KCNJ15: variants seen among roughly 807,000 people sequenced by gnomAD.
The protein encoded by KCNJ15 is potassium inwardly rectifying channel subfamily J member 15, also known as ATP-sensitive inward rectifier potassium channel 15.
Under a neutral mutation model 23.0 loss-of-function variants are expected in KCNJ15, and 14 were observed. The observed-to-expected ratio is 0.61, with a 90% CI of 0.40 to 0.95. The LOEUF (loss-of-function observed/expected upper bound fraction) is 0.95. Ranked by LOEUF, KCNJ15 falls within the 40% of genes least tolerant of loss-of-function variation. The probability of loss-of-function intolerance (pLI) is 0.00; values close to 1 mark genes in which losing one functional copy is unlikely to be tolerated. For missense variants in KCNJ15, 388 were observed against 461.8 expected (o/e 0.84, Z 1.46); for synonymous variants, 185 against 183.2 (o/e 1.01, Z -0.08).
intron 1 of KCNJ15, among the ~76,000 whole-genome samples, chr21:38,230,896 C>T (rs1601108941): frequency 6.6e-6 from 1 of 151,980 alleles, no homozygotes; most frequent in South Asian, 2.1e-4. Flanking sequence ...CTTTTGGCTA[C>T]TCTAGTTCCT....
chr21:38,298,280 T>C (rs985732090), intron 2 of KCNJ15: 1 of 152,214 alleles, frequency 6.6e-6, no homozygotes, highest in African/African-American at 2.4e-5. Flanking sequence ...GCACTTCTTA[T>C]AGGTAGGTCT....
chr21:38,240,478 T>C (rs1037348779), intron 1 of KCNJ15, among the ~76,000 whole-genome samples: 2 of 152,188 alleles, frequency 1.3e-5, no homozygotes, highest in South Asian at 2.1e-4. Flanking sequence ...GTCTGGGCTT[T>C]AGGAGTAATT....
intron 1 of KCNJ15, among the ~76,000 whole-genome samples, chr21:38,296,233 T>G (rs58910649): frequency 0.1 from 15,210 of 152,128 alleles, 2,156 homozygotes; most frequent in African/African-American, 0.32. Context: ...ATTGGTGATA[T>G]ATAATAAATG....
chr21:38,236,778 A>C (rs772270869), intron 1 of KCNJ15, among the ~76,000 whole-genome samples: 36 of 152,288 alleles, frequency 2.4e-4, no homozygotes, highest in Non-Finnish European at 4.6e-4. Context: ...GTGTGGTACA[A>C]GTATTATGTT....
chr21:38,266,847 G>A (rs1981517372), intron 1 of KCNJ15, among the ~76,000 whole-genome samples: 1 of 152,204 alleles, frequency 6.6e-6, no homozygotes, highest in South Asian at 2.1e-4. Flanking sequence ...GAGGGGTGAA[G>A]CTGGCCTTTG....
chr21:38,238,563 G>C, intron 1 of KCNJ15: 1 of 630,824 alleles, frequency 1.6e-6, no homozygotes. Flanking sequence ...GCTGGGAGAA[G>C]GCAGTCACTA....
At chr21:38,249,424 G>C (rs914542445) in intron 1 of KCNJ15, among the ~76,000 whole-genome samples, 7 of 152,188 alleles carry the variant, frequency 4.6e-5, no homozygotes, top group African/African-American at 1.7e-4. Context: ...TGAGTTTTCA[G>C]TCATAACTCA....
chr21:38,238,181 G>T (rs2123547409), intron 1 of KCNJ15: 1 of 436,086 alleles, frequency 2.3e-6, no homozygotes. Context: ...TCTTTAGTCA[G>T]TTGGGAAGCT....
chr21:38,269,216 C>T (rs551095380), intron 1 of KCNJ15, among the ~76,000 whole-genome samples: 13 of 152,290 alleles, frequency 8.5e-5, no homozygotes, highest in South Asian at 2.1e-4. Flanking sequence ...CCTTTTCATA[C>T]GTTCTTTTTG....
rs572401607 is a variant in KCNJ15, at chr21:38,260,652, C to G, written c.-117+3467C>G. ...GTGATCATGCTCACGTCAGAAGATG[C>G]AGGAGAAGGACAAAGTTTTGCATTT... is the stretch of plus-strand genomic sequence containing the variant. On this transcript the variant is annotated intron_variant, in intron 1 of 2. Transcript: ENST00000398938. 2.0e-3 allele frequency among the ~76,000 whole-genome samples: 310 copies of G among 152,260 alleles called. 4 individuals are homozygous for G. The highest frequency in any genetic ancestry group is 5.8e-4 in the East Asian group (3 of 5,176).
At chr21:38,255,935 G>A (rs1354817215), upstream of KCNJ15, among the ~76,000 whole-genome samples, 5 of 152,130 alleles carry the variant, frequency 3.3e-5, no homozygotes, top group Admixed American at 1.3e-4. Flanking sequence ...GTATATCATC[G>A]TCTCCCATGG....
In KCNJ15 at chr21:38,299,064, G is replaced by C. The variant is rs1985464850; in HGVS notation, c.-18-180G>C. On this transcript the variant is annotated intron_variant, in intron 2 of 2. Coordinates refer to ENST00000398938, the MANE Select transcript of KCNJ15 (RefSeq NM_170736.3). The surrounding 1 kb of genome is among the most constrained non-coding windows in gnomAD (Gnocchi z 4.5). ...TAACCCCGGTCTGCTTTTCTGCAAA[G>C]CCTCTGCTCCTCACTCTACCCTACC... is the stretch of plus-strand genomic sequence containing the variant. Among the ~76,000 whole-genome samples the C allele has an allele frequency of 6.6e-6, 1 of 152,170 alleles. No homozygotes were observed. Among genetic ancestry groups the C allele is most frequent in the African/African-American group, 2.4e-5 (1 of 41,418 alleles).
At chr21:38,290,355 G>GA (rs1257375101) in intron 1 of KCNJ15, among the ~76,000 whole-genome samples, 3 of 51,250 alleles carry the variant, frequency 5.9e-5, no homozygotes, top group Admixed American at 4.2e-4. Context: ...AGATGGAAAA[G>GA]AATTTTTTTT....
intron 2 of KCNJ15, among the ~76,000 whole-genome samples, chr21:38,297,421 G>A (rs1387540622): frequency 1.3e-5 from 2 of 152,184 alleles, no homozygotes; most frequent in African/African-American, 4.8e-5. Context: ...GGACACTTGT[G>A]TATCACTCAC....
At chr21:38,245,806 T>G (rs572678689) in intron 1 of KCNJ15, among the ~76,000 whole-genome samples, 14 of 152,172 alleles carry the variant, frequency 9.2e-5, no homozygotes, top group Non-Finnish European at 1.3e-4. Context: ...CACATGTTCA[T>G]TTTTGGCCAT....
At position 38,280,924 on chromosome 21, in the gene KCNJ15, T is replaced by C. The variant is rs550168465; in HGVS notation, c.-116-16002T>C. ...TTGCTATAACCATCCATGGAAGAAA[T>C]GAGAACACAGTCACTCAAACCATTT... On this transcript the variant is annotated intron_variant, in intron 1 of 2. Coordinates refer to ENST00000398938, the MANE Select transcript of KCNJ15 (RefSeq NM_170736.3). 2.0e-5 allele frequency among the ~76,000 whole-genome samples: 3 copies of C among 152,242 alleles called. No homozygotes were observed. In the East Asian group the frequency reaches 5.8e-4, roughly 29 times the overall value.
upstream of KCNJ15, among the ~76,000 whole-genome samples, chr21:38,255,979 T>G (rs1054691633): frequency 6.6e-6 from 1 of 152,164 alleles, no homozygotes; most frequent in African/African-American, 2.4e-5. Flanking sequence ...GGCATTGCCT[T>G]TGGACCAGTG....
intron 1 of KCNJ15, among the ~76,000 whole-genome samples, chr21:38,239,580 C>G (rs1978853168): frequency 6.6e-6 from 1 of 152,052 alleles, no homozygotes; most frequent in Admixed American, 6.5e-5. Context: ...TTTTGGTACC[C>G]TAGGAAAACT....
At chr21:38,244,171 A>C (rs1449446466) in intron 1 of KCNJ15, among the ~76,000 whole-genome samples, 2 of 152,184 alleles carry the variant, frequency 1.3e-5, no homozygotes, top group Non-Finnish European at 2.9e-5. Context: ...AACCTGAGAC[A>C]AAGCCGCTAG....
Sources: gnomAD v4.1 joint callset for allele counts (sites outside exome capture counted in the v4.1 genomes callset) on GRCh38, gnomAD v4.1.1 for gene constraint, Gnocchi (gnomAD v3.1) non-coding constraint, MANE v1.5 for transcripts, NCBI Gene and HGNC (gene_info 2026-07-23, HGNC 2026-07-21) for gene names.